PRR16: variants seen among roughly 807,000 people sequenced by gnomAD.
The protein encoded by PRR16 is proline rich 16, also known as protein Largen.
In PRR16, 6 loss-of-function variants were observed where a neutral mutation model predicts 18.2. The ratio of observed to expected loss-of-function variants is 0.33; its 90% confidence interval spans 0.18 to 0.65. The LOEUF (loss-of-function observed/expected upper bound fraction) is 0.65. PRR16 is among the 30% of genes least tolerant of loss of function. The pLI, the probability that PRR16 is intolerant of heterozygous loss-of-function variation, is 0.74. For missense variants in PRR16, 412 were observed against 376.6 expected, an observed-to-expected ratio of 1.09 and a Z score of -0.78; for synonymous variants, 151 against 147.8, an observed-to-expected ratio of 1.02 and a Z score of -0.16.
intron 1 of PRR16, among the ~76,000 whole-genome samples, chr5:120,566,142 A>T (rs544924710): frequency 8.5e-5 from 13 of 152,286 alleles, no homozygotes; most frequent in Admixed American, 2.0e-4. Context: ...TTATTTCCAT[A>T]GTGAGTTCCT....
intron 1 of PRR16, among the ~76,000 whole-genome samples, chr5:120,510,508 G>A (rs1277241478): frequency 6.6e-6 from 1 of 152,142 alleles, no homozygotes; most frequent in African/African-American, 2.4e-5. Context: ...CCTATCATTT[G>A]TAGAAAAAGA....
chr5:120,613,526 T>A (rs534538875), intron 1 of PRR16, among the ~76,000 whole-genome samples: 1 of 152,056 alleles, frequency 6.6e-6, no homozygotes, highest in Admixed American at 6.6e-5. Flanking sequence ...GGCTTCCATT[T>A]GGGAAAAAAT....
chr5:120,526,982 C>G (rs1751375823), intron 1 of PRR16, among the ~76,000 whole-genome samples: 1 of 152,176 alleles, frequency 6.6e-6, no homozygotes. Flanking sequence ...TCTTGTTTAG[C>G]TGAAGCTTTA....
At chr5:120,794,165 A>C in the PRR16 span, among the ~76,000 whole-genome samples, 1 of 152,244 alleles carries the variant, frequency 6.6e-6, no homozygotes, top group East Asian at 1.9e-4. Context: ...TGCCAAAACA[A>C]AGAGATGCAG....
intron 1 of PRR16, among the ~76,000 whole-genome samples, chr5:120,517,722 G>A (rs1225783155): frequency 1.3e-5 from 2 of 152,182 alleles, no homozygotes; most frequent in African/African-American, 4.8e-5. Flanking sequence ...AGTGTTCCTA[G>A]GGAAAACTTG....
intron 1 of PRR16, among the ~76,000 whole-genome samples, chr5:120,591,913 C>G (rs1229663806): frequency 6.6e-6 from 1 of 152,128 alleles, no homozygotes; most frequent in African/African-American, 2.4e-5. Context: ...ATGGCATCTT[C>G]TTGAAGAGAC....
intron 1 of PRR16, among the ~76,000 whole-genome samples, chr5:120,639,413 T>C (rs1236248253): frequency 6.6e-6 from 1 of 152,126 alleles, no homozygotes; most frequent in East Asian, 1.9e-4. Context: ...TTTGACTGGC[T>C]AAACTAAGTG....
chr5:120,754,406 C>CTATATAGTATATATTATATAATATATAT, the PRR16 span, among the ~76,000 whole-genome samples: 1 of 38,518 alleles, frequency 2.6e-5, no homozygotes. Flanking sequence ...ATATATTATA[C>CTATATAGTATATATTATATAATATATAT]TATATACTAT....
intron 1 of PRR16, among the ~76,000 whole-genome samples, chr5:120,628,495 A>G (rs951271456): frequency 6.6e-6 from 1 of 152,126 alleles, no homozygotes; most frequent in Admixed American, 6.6e-5. Context: ...TAGGAAGCAT[A>G]TCAATGTATT....
chr5:120,784,244 C>T, the PRR16 span, among the ~76,000 whole-genome samples: 8 of 152,274 alleles, frequency 5.3e-5, no homozygotes, highest in Admixed American at 4.6e-4. Context: ...ATTGCTGGAT[C>T]ATGTGGTAGT....
At chr5:120,522,124 A>G (rs529228498) in intron 1 of PRR16, among the ~76,000 whole-genome samples, 13 of 152,326 alleles carry the variant, frequency 8.5e-5, no homozygotes, top group Admixed American at 2.0e-4. Context: ...TAGTGCTGCA[A>G]TAAACATACG....
chr5:120,678,766 G>T (rs1287792046), intron 1 of PRR16, among the ~76,000 whole-genome samples: 2 of 152,088 alleles, frequency 1.3e-5, no homozygotes, highest in East Asian at 3.9e-4. Context: ...TTCCAATTTG[G>T]ATTCCTTTTA....
At chr5:120,701,609 A>G in the PRR16 span, among the ~76,000 whole-genome samples, 1 of 151,736 alleles carries the variant, frequency 6.6e-6, no homozygotes, top group Non-Finnish European at 1.5e-5. Flanking sequence ...GCAGAGGCTG[A>G]GGAAGAATTG....
At chr5:120,499,528 G>T (rs904105554) in intron 1 of PRR16, among the ~76,000 whole-genome samples, 4 of 151,840 alleles carry the variant, frequency 2.6e-5, no homozygotes, top group African/African-American at 4.8e-5. Flanking sequence ...TGTTTCTTCT[G>T]TTCTGCTATT....
chr5:120,479,863 A>G (rs1344455010), intron 1 of PRR16, among the ~76,000 whole-genome samples: 2 of 152,090 alleles, frequency 1.3e-5, no homozygotes, highest in Non-Finnish European at 2.9e-5. Context: ...GATACCTACT[A>G]GTTCAGTTAG....
the PRR16 span, among the ~76,000 whole-genome samples, chr5:120,729,507 A>G: frequency 5.3e-5 from 8 of 152,160 alleles, no homozygotes; most frequent in Admixed American, 5.2e-4. Flanking sequence ...CATGGCGCTA[A>G]TAAATGATGA....
At chr5:120,674,152 G>A (rs760978539) in intron 1 of PRR16, among the ~76,000 whole-genome samples, 8 of 152,014 alleles carry the variant, frequency 5.3e-5, no homozygotes, top group Non-Finnish European at 8.8e-5. Flanking sequence ...TCTGCCATGT[G>A]TGGTACTGAT....
chr5:120,697,745 G>A, the PRR16 span, among the ~76,000 whole-genome samples: 1 of 151,996 alleles, frequency 6.6e-6, no homozygotes, highest in Non-Finnish European at 1.5e-5. Flanking sequence ...GCAGGAGTGG[G>A]GGTCGCAAGG....
chr5:120,738,711 A>T, the PRR16 span, among the ~76,000 whole-genome samples: 1 of 152,174 alleles, frequency 6.6e-6, no homozygotes, highest in Admixed American at 6.5e-5. Context: ...TGGTAGGTGC[A>T]TTTGTGTACC....
Sources: allele counts gnomAD v4.1 joint callset (sites outside exome capture counted in the v4.1 genomes callset), GRCh38; gene constraint gnomAD v4.1.1; transcripts MANE v1.5; gene names NCBI Gene and HGNC (gene_info 2026-07-23, HGNC 2026-07-21).